Variants in PEX19 observed in about 807,000 individuals in gnomAD.
The protein encoded by PEX19 is peroxisomal biogenesis factor 19.
PEX19 carries 29 observed loss-of-function variants against 36.3 expected under a neutral mutation model. The observed-to-expected ratio is 0.80, with a 90% CI of 0.60 to 1.09. PEX19 has a LOEUF of 1.09. Among genes scored for constraint, PEX19 ranks in the 50% least tolerant of loss-of-function variants. PEX19 has a pLI of 0.00. For missense variants in PEX19, 396 were observed against 368.1 expected, an observed-to-expected ratio of 1.08 and a Z score of -0.62; for synonymous variants, 141 against 135.2, an observed-to-expected ratio of 1.04 and a Z score of -0.30.
Position 160,279,159 on chromosome 1 carries a change from C to T in PEX19, c.*392G>A. ...GAGTCCCAGGTCTCTGCCCCTCCTC[C>T]CCAGATCCAAGAGAGGGAGTAGAGA... On this transcript the variant is annotated 3_prime_UTR_variant, in exon 8 of 8. Transcript: ENST00000368072. 1 of 456,108 alleles carries T rather than the reference C, an allele frequency of 2.2e-6. No homozygotes were observed. Among genetic ancestry groups the T allele is most frequent in the Admixed American group, 2.4e-5 (1 of 42,450 alleles). The allele number at this position is 456,108 out of a possible 1,614,324, so 28.3% of individuals were successfully genotyped here.
Position 160,283,030 on chromosome 1 carries a change from A to G in PEX19, c.260T>C (p.Phe87Ser), listed in dbSNP as rs1349189195. 7 of 1,614,184 alleles carry G rather than the reference A, an allele frequency of 4.3e-6. No homozygotes were observed. Among genetic ancestry groups the G allele is most frequent in the Non-Finnish European group, 5.9e-6 (7 of 1,180,028 alleles). Residue 87 changes from phenylalanine to serine, a missense_variant, in exon 3 of 8, where the codon TTC (phenylalanine) becomes TCC (serine). Phe to Ser is a radical substitution (Grantham distance 155). Transcript: ENST00000368072. Reference sequence around the variant, plus strand: ...AGCCAACTCCTTCATTGCCTTCTCGAACTCCGCAGTGGCTTGGGAAGCCAG... The same window carrying G: ...AGCCAACTCCTTCATTGCCTTCTCGGACTCCGCAGTGGCTTGGGAAGCCAG... ...SELASQATAEFEKAMKELAEE... is the reference protein window; with the variant it reads ...SELASQATAESEKAMKELAEE...
Position 160,282,439 on chromosome 1 carries a change from G to C in PEX19, c.410C>G (p.Ala137Gly), listed in dbSNP as rs1657810740. 6.2e-7 allele frequency: 1 copy of C among 1,613,842 alleles called. No individual in the cohort carries two copies. The highest frequency in any genetic ancestry group is 8.5e-7 in the Non-Finnish European group (1 of 1,179,868). Residue 137 changes from alanine to glycine, a missense_variant, in exon 4 of 8, where the codon GCC becomes GGC. Transcript: ENST00000368072. ...SCLKETLSGL[A>G]KNATDLQNSS... ...CACCTGAAGGTCAGTGGCATTTTTG[G>C]CTAATCCACTTAGTGTTTCCTTTAG...
chr1:160,279,914 GAATCT>G, intron 6 of PEX19, 69 bp from the exon 7 acceptor site: 1 of 1,401,832 alleles, frequency 7.1e-7, no homozygotes, highest in South Asian at 1.2e-5. Context: ...TCCAGAAGAG[GAATCT>G]AATGAATGAT....
chr1:160,282,925 G>A lies in PEX19; in HGVS notation c.346+19C>T, dbSNP rs1657836512. ...TAAGAGTCTGTTCAGATATTTCCAT[G>A]TATCTGGGGTCTCCTCACCCACTCT... On this transcript the variant is annotated intron_variant, in intron 3 of 7. Transcript: ENST00000368072. 1 of 1,611,616 alleles carries A rather than the reference G, an allele frequency of 6.2e-7. No homozygotes were observed. The highest frequency in any genetic ancestry group is 1.3e-5 in the African/African-American group (1 of 74,856).
chr1:160,284,203 G>A (rs949130943), intron 1 of PEX19: 1 of 471,204 alleles, frequency 2.1e-6, no homozygotes, highest in Admixed American at 2.3e-5. Context: ...ACCTTCTAGA[G>A]CTCCCTTTGG....
rs886045443 is a variant in PEX19, at chr1:160,278,553, C to G, written c.*998G>C. On this transcript the variant is annotated 3_prime_UTR_variant, in exon 8 of 8. Transcript: ENST00000368072. ...AAAAGGGACCCAAGCTATACCCCTA[C>G]TCCTTTTCCAAGCTACTTTCCTGAA... 1 of 463,670 alleles carries G rather than the reference C, an allele frequency of 2.2e-6. No individual in the cohort carries two copies. 28.7% of individuals were successfully genotyped at this position (463,670 alleles called of 1,614,324 possible). A position where few individuals can be genotyped will look rare whatever the true frequency, so the allele number is the denominator to read the frequency against.
In PEX19 at chr1:160,278,221, C is replaced by T. The variant is rs886045442; in HGVS notation, c.*1330G>A. On this transcript the variant is annotated 3_prime_UTR_variant, in exon 8 of 8. Transcript: ENST00000368072. ...AAGAAAAATAATTTAGAAAACATAA[C>T]AATATATTACTAACATTAATAACAA... is the stretch of plus-strand genomic sequence containing the variant. 7.1e-6 allele frequency: 5 copies of T among 701,824 alleles called. No homozygotes were observed. In the Admixed American group the frequency reaches 8.0e-5, roughly 11 times the overall value. The allele number at this position is 701,824 out of a possible 1,614,324, so 43.5% of individuals were successfully genotyped here.
chr1:160,285,108 T>G lies in PEX19; in HGVS notation c.17A>C (p.Glu6Ala). 6.2e-7 allele frequency: 1 copy of G among 1,613,936 alleles called. No individual in the cohort carries two copies. The highest frequency in any genetic ancestry group is 8.5e-7 in the Non-Finnish European group (1 of 1,179,870). MAAAE[E>A]GCSVGAEADR... ...CGCTTCGGCCCCGACACTACAGCCT[T>G]CCTCAGCGGCGGCCATCTTGCTACC... Residue 6 changes from glutamate to alanine, a missense_variant, in exon 1 of 8, where the codon GAA becomes GCA. Glu to Ala is a moderately radical substitution (Grantham distance 107). Transcript: ENST00000368072.
At chr1:160,281,821 C>A (rs1258279430) in intron 5 of PEX19, among the ~76,000 whole-genome samples, 1 of 152,156 alleles carries the variant, frequency 6.6e-6, no homozygotes, top group Non-Finnish European at 1.5e-5. Flanking sequence ...AGACCCCAAA[C>A]GTTATACCTC....
In PEX19 at chr1:160,277,104, A is replaced by G. The variant is rs925108232; in HGVS notation, c.*2447T>C. The G allele has an allele frequency of 2.2e-6, 1 of 453,996 alleles. No homozygotes were observed. The highest frequency in any genetic ancestry group is 4.4e-6 in the Non-Finnish European group (1 of 226,800). The allele number at this position is 453,996 out of a possible 1,614,324, so 28.1% of individuals were successfully genotyped here. On this transcript the variant is annotated 3_prime_UTR_variant, in exon 8 of 8. Coordinates refer to ENST00000368072, the MANE Select transcript of PEX19 (RefSeq NM_002857.4). ...ATAGGAGAGAACAAGAGATACAGGT[A>G]GGTATCAGTTCTGCTAGGGTCTTCA... is the stretch of plus-strand genomic sequence containing the variant.
In PEX19 at chr1:160,277,756, A is replaced by G. The variant is rs1323873502; in HGVS notation, c.*1795T>C. On this transcript the variant is annotated 3_prime_UTR_variant, in exon 8 of 8. Transcript: ENST00000368072. ...CTTTTGTTCTTCCCTCCTCCTCTCT[A>G]TCCTTGTCCAGTTTTTGGCTGGAGC... 1 of 469,242 alleles carries G rather than the reference A, an allele frequency of 2.1e-6. No homozygotes were observed. The highest frequency in any genetic ancestry group is 6.5e-4 in the Middle Eastern group (1 of 1,538). The allele number at this position is 469,242 out of a possible 1,614,324, so 29.1% of individuals were successfully genotyped here. A position where few individuals can be genotyped will look rare whatever the true frequency, so the allele number is the denominator to read the frequency against.
Position 160,278,368 on chromosome 1 carries a change from G to A in PEX19, c.*1183C>T. On this transcript the variant is annotated 3_prime_UTR_variant, in exon 8 of 8. Coordinates refer to ENST00000368072, the MANE Select transcript of PEX19 (RefSeq NM_002857.4). ...CCAACTGAGGTGCAGACTGAGTTGT[G>A]GAAGGTGGGTGTTGATGGAACCCAG... 1 of 683,100 alleles carries A rather than the reference G, an allele frequency of 1.5e-6. No individual in the cohort carries two copies. The highest frequency in any genetic ancestry group is 2.7e-6 in the Non-Finnish European group (1 of 374,772). The allele number at this position is 683,100 out of a possible 1,614,324, so 42.3% of individuals were successfully genotyped here. A position where few individuals can be genotyped will look rare whatever the true frequency, so the allele number is the denominator to read the frequency against.
chr1:160,282,395 G>A, intron 4 of PEX19, 22 bp downstream of exon 4: 1 of 1,579,530 alleles, frequency 6.3e-7, no homozygotes, highest in Non-Finnish European at 8.7e-7. Flanking sequence ...CCCCTTGTGG[G>A]CCCCTACTAC....
chr1:160,281,125 T>C (rs956352863), intron 5 of PEX19: 1 of 152,196 alleles, frequency 6.6e-6, no homozygotes, highest in Non-Finnish European at 1.5e-5. Flanking sequence ...CTGAGCAATA[T>C]AGTGAGAGCT....
rs758976681 is a variant in PEX19, at chr1:160,278,895, G to A, written c.*656C>T. ...TCACACAGCATTGTAGGAAGAAGCAGGGTAACCATTTGAGTTCTCAGCCTG... is the reference window on the plus strand; with the variant it reads ...TCACACAGCATTGTAGGAAGAAGCAAGGTAACCATTTGAGTTCTCAGCCTG... On this transcript the variant is annotated 3_prime_UTR_variant, in exon 8 of 8. Coordinates refer to ENST00000368072, the MANE Select transcript of PEX19 (RefSeq NM_002857.4). 3 of 454,066 alleles carry A rather than the reference G, an allele frequency of 6.6e-6. No individual in the cohort carries two copies. The highest frequency in any genetic ancestry group is 4.7e-5 in the South Asian group (3 of 64,474). The allele number at this position is 454,066 out of a possible 1,614,324, so 28.1% of individuals were successfully genotyped here. A position where few individuals can be genotyped will look rare whatever the true frequency, so the allele number is the denominator to read the frequency against.
chr1:160,285,081 T>C lies in PEX19; in HGVS notation c.44A>G (p.Asp15Gly). Reference sequence around the variant, plus strand: ...TTCCAGAAGCTCCTCCAATTCCCTGTCCGCTTCGGCCCCGACACTACAGCC... The same window carrying C: ...TTCCAGAAGCTCCTCCAATTCCCTGCCCGCTTCGGCCCCGACACTACAGCC... ...EEGCSVGAEA[D>G]RELEELLESA... is the part of the protein sequence containing the mutation. The change falls in exon 1 of 8, where the codon GAC (aspartate) becomes GGC (glycine). Residue 15 changes from aspartate to glycine, a missense_variant. Transcript: ENST00000368072. 2.5e-6 allele frequency: 4 copies of C among 1,613,968 alleles called. No homozygotes were observed. Among genetic ancestry groups the C allele is most frequent in the Non-Finnish European group, 3.4e-6 (4 of 1,179,828 alleles).
rs1347664352 is a variant in PEX19 at position 160,277,630 on chromosome 1, T to C, written c.*1921A>G. 2.2e-6 allele frequency: 1 copy of C among 454,362 alleles called. No individual in the cohort carries two copies. 28.1% of individuals were successfully genotyped at this position (454,362 alleles called of 1,614,324 possible). ...CAAAGATAAAGTGGACTAGGGCATC[T>C]ATTTAGATTCCTGGAGTAAGCCCTG... On this transcript the variant is annotated 3_prime_UTR_variant, in exon 8 of 8. Transcript: ENST00000368072.
rs538715088 is a variant in PEX19, at chr1:160,279,055, T to C, written c.*496A>G. 5.3e-5 allele frequency: 24 copies of C among 454,546 alleles called. No homozygotes were observed. Among genetic ancestry groups the C allele is most frequent in the African/African-American group, 2.4e-4 (12 of 50,112 alleles). 28.2% of individuals were successfully genotyped at this position (454,546 alleles called of 1,614,324 possible). On this transcript the variant is annotated 3_prime_UTR_variant, in exon 8 of 8. Transcript: ENST00000368072. ...TGGTCTGTCTGAAGGCAAGAGAGCA[T>C]AGTGACAGACCTGTAGCCCCAGCCC...
At position 160,279,470 on chromosome 1, in the gene PEX19, C is replaced by T; in HGVS notation, c.*81G>A. 8.7e-7 allele frequency: 1 copy of T among 1,148,514 alleles called. No homozygotes were observed. Among genetic ancestry groups the T allele is most frequent in the African/African-American group, 1.5e-5 (1 of 66,088 alleles). 71.1% of individuals were successfully genotyped at this position (1,148,514 alleles called of 1,614,324 possible). On this transcript the variant is annotated 3_prime_UTR_variant, in exon 8 of 8. Coordinates refer to ENST00000368072, the MANE Select transcript of PEX19 (RefSeq NM_002857.4). ...GGGCAGACTTCTCCCGCAGGTGACA[C>T]TCCTGCCTCAGGTCCCAATGGTTCT...
Sources: allele counts gnomAD v4.1 joint callset (sites outside exome capture counted in the v4.1 genomes callset), GRCh38; gene constraint gnomAD v4.1.1; transcripts MANE v1.5; gene names NCBI Gene and HGNC (gene_info 2026-07-23, HGNC 2026-07-21).